ELFN1: variants seen among roughly 807,000 people sequenced by gnomAD.
The protein encoded by ELFN1 is extracellular leucine rich repeat and fibronectin type III domain containing 1.
ELFN1 carries 6 observed loss-of-function variants against 7.6 expected under a neutral mutation model. The ratio of observed to expected loss-of-function variants is 0.79; its 90% CI spans 0.43 to 1.56. The LOEUF (loss-of-function observed/expected upper bound fraction) is 1.56. ELFN1 is among the 40% of genes most tolerant of loss of function. The probability of loss-of-function intolerance (pLI) is 0.01; values close to 1 mark genes in which losing one functional copy is unlikely to be tolerated. For missense variants in ELFN1, 1,169 were observed against 1,232.2 expected (o/e 0.95, Z 0.77); for synonymous variants, 657 against 588.1 (o/e 1.12, Z -1.70).
chr7:1,701,832 T>A (rs1293112946), intron 2 of ELFN1, among the ~76,000 whole-genome samples: 1 of 152,204 alleles, frequency 6.6e-6, no homozygotes, highest in Non-Finnish European at 1.5e-5. Flanking sequence ...GTATTATATA[T>A]ACATATTTTA....
At chr7:1,681,561 G>A (rs1778975717) in intron 1 of ELFN1, among the ~76,000 whole-genome samples, 1 of 152,020 alleles carries the variant, frequency 6.6e-6, no homozygotes, top group South Asian at 2.1e-4. Context: ...ACTGGGTCTC[G>A]CCATGTTGGC....
chr7:1,730,275 G>A (rs1380558302), intron 3 of ELFN1, among the ~76,000 whole-genome samples: 2 of 152,186 alleles, frequency 1.3e-5, no homozygotes, highest in African/African-American at 4.8e-5. Flanking sequence ...ACTGGGGAGG[G>A]GGGCCAAGCC....
At chr7:1,700,730 G>C (rs984460958) in intron 2 of ELFN1, among the ~76,000 whole-genome samples, 1 of 152,244 alleles carries the variant, frequency 6.6e-6, no homozygotes, top group Non-Finnish European at 1.5e-5. Context: ...GACAGCGGAC[G>C]AGAGTTCCCG....
At chr7:1,720,693 T>C (rs1416194695) in intron 3 of ELFN1, among the ~76,000 whole-genome samples, 1 of 151,936 alleles carries the variant, frequency 6.6e-6, no homozygotes, top group Non-Finnish European at 1.5e-5. Flanking sequence ...ACCACCTCTC[T>C]CCCCTTCCGG....
intron 3 of ELFN1, among the ~76,000 whole-genome samples, chr7:1,723,957 C>T (rs1562378741): frequency 6.6e-6 from 1 of 152,192 alleles, no homozygotes; most frequent in Non-Finnish European, 1.5e-5. Context: ...CTCATTCACC[C>T]GGAAACATGC....
chr7:1,723,755 T>A (rs993592181), intron 3 of ELFN1, among the ~76,000 whole-genome samples: 1 of 152,224 alleles, frequency 6.6e-6, no homozygotes, highest in African/African-American at 2.4e-5. Context: ...GCTGTCATTG[T>A]CAGGCATGGA....
rs9639086 is a variant in ELFN1 at position 1,730,533 on chromosome 7, T to G, written c.-293-13771T>G. On this transcript the variant is annotated intron_variant, in intron 3 of 3. Transcript: ENST00000424383. ...CAAAAAATTCAAAGTTGGCTTAATA[T>G]TAGATAAATCTATTAATAAACTACA... 2.2e-3 allele frequency among the ~76,000 whole-genome samples: 342 copies of G among 152,346 alleles called. 7 individuals are homozygous for G. The East Asian group carries it at 0.051, about 23-fold the overall frequency.
chr7:1,679,691 G>A (rs545230416), intron 1 of ELFN1, among the ~76,000 whole-genome samples: 56 of 152,344 alleles, frequency 3.7e-4, no homozygotes, highest in African/African-American at 1.3e-3. Context: ...CAAGCGGGGT[G>A]GCATTTGTGG....
chr7:1,693,787 C>A (rs779067914), intron 2 of ELFN1: 1 of 470,668 alleles, frequency 2.1e-6, no homozygotes, highest in South Asian at 1.5e-5. Context: ...CTGACAGACA[C>A]GGGGTGCGGG....
chr7:1,692,808 A>T (rs922610283), intron 2 of ELFN1: 1 of 158,724 alleles, frequency 6.3e-6, no homozygotes, highest in Non-Finnish European at 1.4e-5. Context: ...TATTTCCTTC[A>T]TCGGAAACTA....
intron 1 of ELFN1, among the ~76,000 whole-genome samples, chr7:1,678,915 C>A (rs1562356632): frequency 6.6e-6 from 1 of 152,198 alleles, no homozygotes; most frequent in Non-Finnish European, 1.5e-5. Context: ...CGGGTGATGC[C>A]AGAGTGGGTG....
At chr7:1,719,369 G>A (rs1174487489) in intron 3 of ELFN1, among the ~76,000 whole-genome samples, 1 of 144,728 alleles carries the variant, frequency 6.9e-6, no homozygotes, top group African/African-American at 2.6e-5. Context: ...CCACCAACAG[G>A]ACCCAAGCCA....
chr7:1,704,242 G>A (rs1203146548), intron 2 of ELFN1, among the ~76,000 whole-genome samples: 1 of 152,144 alleles, frequency 6.6e-6, no homozygotes, highest in Non-Finnish European at 1.5e-5. Context: ...GGGCTGGTGG[G>A]TGGGGCCACC....
chr7:1,717,500 G>A (rs1019506015), intron 3 of ELFN1, among the ~76,000 whole-genome samples: 1 of 152,202 alleles, frequency 6.6e-6, no homozygotes, highest in Non-Finnish European at 1.5e-5. Context: ...GTCCTACTGT[G>A]TGCTCCACTC....
intron 2 of ELFN1, among the ~76,000 whole-genome samples, chr7:1,702,519 G>A (rs1010676802): frequency 6.7e-6 from 1 of 150,260 alleles, no homozygotes; most frequent in Non-Finnish European, 1.5e-5. Context: ...ATACATTTTA[G>A]AATTAGTTTG....
rs1209031649 is a variant in ELFN1, at chr7:1,712,616, G to A, written c.-294+3364G>A. Among the ~76,000 whole-genome samples, 3 of 151,786 alleles carry A rather than the reference G, an allele frequency of 2.0e-5. No individual in the cohort carries two copies. In the East Asian group the frequency reaches 5.8e-4, roughly 30 times the overall value. ...CCGGCTAATTTTTGTATTTTCAGTA[G>A]AGACGGGGTTTCGCCATGTTGGCCA... On this transcript the variant is annotated intron_variant, in intron 3 of 3. Transcript: ENST00000424383.
chr7:1,747,155 C>G lies in ELFN1; in HGVS notation c.*72C>G. The G allele has an allele frequency of 7.2e-7, 1 of 1,387,632 alleles. No individual in the cohort carries two copies. 86.0% of individuals were successfully genotyped at this position (1,387,632 alleles called of 1,614,324 possible). A position where few individuals can be genotyped will look rare whatever the true frequency, so the allele number is the denominator to read the frequency against. ...TCCACCCAGAGACTCAGCACCAAACCCAACACACGCACGCCACCACAGCAA... is the reference window on the plus strand; with the variant it reads ...TCCACCCAGAGACTCAGCACCAAACGCAACACACGCACGCCACCACAGCAA... On this transcript the variant is annotated 3_prime_UTR_variant, in exon 4 of 4. Coordinates refer to ENST00000424383, the MANE Select transcript of ELFN1 (RefSeq NM_001128636.4).
chr7:1,687,175 TCC>T (rs1428102677), intron 1 of ELFN1, among the ~76,000 whole-genome samples: 1 of 152,086 alleles, frequency 6.6e-6, no homozygotes, highest in Non-Finnish European at 1.5e-5. Context: ...CTCCACAGAT[TCC>T]CCCTGTCTTA....
chr7:1,714,468 A>G (rs1248576793), intron 3 of ELFN1, among the ~76,000 whole-genome samples: 1 of 152,248 alleles, frequency 6.6e-6, no homozygotes, highest in African/African-American at 2.4e-5. Context: ...AAATACATTT[A>G]TTTAAAAGGG....
Sources: gnomAD v4.1 joint callset for allele counts (sites outside exome capture counted in the v4.1 genomes callset) on GRCh38, gnomAD v4.1.1 for gene constraint, MANE v1.5 for transcripts, NCBI Gene and HGNC (gene_info 2026-07-23, HGNC 2026-07-21) for gene names.